The following L3MBTL3 variants were observed in gnomAD, a reference collection of about 807,000 sequenced individuals.
L3MBTL3 encodes the protein L3MBTL histone methyl-lysine binding protein 3.
L3MBTL3 carries 27 observed loss-of-function variants against 102.3 expected under a neutral mutation model. That is an observed-to-expected ratio of 0.26 (90% CI 0.19 to 0.36). The LOEUF is 0.36. Among genes scored for constraint, L3MBTL3 ranks in the 10% least tolerant of loss-of-function variants. The pLI is 1.00. For synonymous variants in L3MBTL3, 340 were observed against 320.9 expected, an observed-to-expected ratio of 1.06 and a Z score of -0.64; for missense variants, 798 against 955.3, an observed-to-expected ratio of 0.84 and a Z score of 2.17.
At chr6:130,021,316 T>TA (rs1170645000) in intron 1 of L3MBTL3, among the ~76,000 whole-genome samples, 9 of 152,198 alleles carry the variant, frequency 5.9e-5, no homozygotes, top group African/African-American at 2.2e-4. Context: ...TGGAAGTAAT[T>TA]AGAGGACCTG....
intron 17 of L3MBTL3, 80 bp from the exon 18 acceptor site, chr6:130,094,185 A>T: frequency 8.9e-7 from 1 of 1,121,926 alleles, no homozygotes; most frequent in Admixed American, 2.0e-5. Flanking sequence ...TTTCTTCCTT[A>T]TTCTGATCCA....
Position 130,049,810 on chromosome 6 carries a change from C to A in L3MBTL3, c.269C>A (p.Ser90Tyr). 1.9e-6 allele frequency: 3 copies of A among 1,613,698 alleles called. No individual in the cohort carries two copies. The highest frequency in any genetic ancestry group is 2.5e-6 in the Non-Finnish European group (3 of 1,179,834). ...RPVFPPAYWT[S>Y]PPGCPTVFSE... is the part of the protein sequence containing the mutation. ...GTATTTCCACCTGCCTACTGGACATCTCCACCTGGATGTCCCACAGGTACC... is the reference window on the plus strand; with the variant it reads ...GTATTTCCACCTGCCTACTGGACATATCCACCTGGATGTCCCACAGGTACC... The change falls in exon 5 of 23, where the codon TCT (serine) becomes TAT (tyrosine). Residue 90 changes from serine to tyrosine, a missense_variant. By Grantham distance (144) the Ser-to-Tyr change is moderately radical. Around this residue, in one of 4 missense-constraint regions of L3MBTL3, gnomAD observed 434 missense variants for 506.6 expected, o/e 0.86. Transcript: ENST00000361794.
At chr6:130,120,743 G>T in intron 19 of L3MBTL3, 136 bp from the exon 20 acceptor site, 1 of 628,790 alleles carries the variant, frequency 1.6e-6, no homozygotes, top group Non-Finnish European at 2.8e-6. Context: ...CCTTGTAGGA[G>T]AACTATATAT....
intron 20 of L3MBTL3, among the ~76,000 whole-genome samples, chr6:130,127,793 A>AT (rs372094531): frequency 3.9e-5 from 6 of 152,024 alleles, no homozygotes; most frequent in South Asian, 4.1e-4. Context: ...TGAGACTTCC[A>AT]TTTTTTTGTT....
At chr6:130,127,786 G>A (rs763198568) in intron 20 of L3MBTL3, among the ~76,000 whole-genome samples, 2 of 152,074 alleles carry the variant, frequency 1.3e-5, no homozygotes, top group Non-Finnish European at 2.9e-5. Flanking sequence ...ACCAAAGTGA[G>A]ACTTCCATTT....
At chr6:130,063,073 T>C (rs1782015138) in intron 10 of L3MBTL3, among the ~76,000 whole-genome samples, 1 of 149,214 alleles carries the variant, frequency 6.7e-6, no homozygotes, top group South Asian at 2.1e-4. Flanking sequence ...AAGAAGCCAC[T>C]AGGGAGTAGA....
chr6:130,110,855 G>C (rs1785305447), intron 19 of L3MBTL3, among the ~76,000 whole-genome samples: 1 of 152,046 alleles, frequency 6.6e-6, no homozygotes, highest in Non-Finnish European at 1.5e-5. Flanking sequence ...TTATTATTTT[G>C]AGATATGTTC....
Position 130,135,932 on chromosome 6 carries a change from G to A in L3MBTL3, c.2199+2027G>A, listed in dbSNP as rs575586909. Among the ~76,000 whole-genome samples the A allele has an allele frequency of 2.6e-5, 4 of 152,278 alleles. No individual in the cohort carries two copies. The South Asian group carries it at 6.2e-4, about 24-fold the overall frequency. ...AGTAAACCATAGTACAAATCTAACC[G>A]AAGTCTTATAAATCATCTTTAAAAG... On this transcript the variant is annotated intron_variant, in intron 22 of 22. Coordinates refer to ENST00000361794, the MANE Select transcript of L3MBTL3 (RefSeq NM_032438.4).
At chr6:130,108,231 GTTTT>G (rs869221525) in intron 19 of L3MBTL3, among the ~76,000 whole-genome samples, 1 of 91,050 alleles carries the variant, frequency 1.1e-5, no homozygotes, top group Non-Finnish European at 2.1e-5. Context: ...TTTTTTTTTT[GTTTT>G]TTTTTTTTTT....
chr6:130,033,700 T>G (rs1027758643), intron 2 of L3MBTL3, among the ~76,000 whole-genome samples: 2 of 152,240 alleles, frequency 1.3e-5, no homozygotes, highest in Non-Finnish European at 2.9e-5. Context: ...CTACCCTCAT[T>G]TTATAACTAT....
chr6:130,071,986 C>A (rs1310292723), intron 13 of L3MBTL3, among the ~76,000 whole-genome samples: 1 of 152,008 alleles, frequency 6.6e-6, no homozygotes, highest in Admixed American at 6.6e-5. Context: ...AAAATGCTTT[C>A]TATTATATGT....
chr6:130,100,684 T>A (rs909415112), intron 18 of L3MBTL3, among the ~76,000 whole-genome samples: 1 of 152,044 alleles, frequency 6.6e-6, no homozygotes, highest in African/African-American at 2.4e-5. Flanking sequence ...GTAAGTGTCA[T>A]AATGGCTGCA....
At chr6:130,103,170 A>T (rs1483373582) in intron 18 of L3MBTL3, among the ~76,000 whole-genome samples, 1 of 152,244 alleles carries the variant, frequency 6.6e-6, no homozygotes, top group African/African-American at 2.4e-5. Context: ...ACAGTGCTTG[A>T]TATATCATAA....
chr6:130,030,598 C>T (rs759337444), intron 2 of L3MBTL3, among the ~76,000 whole-genome samples: 10 of 131,798 alleles, frequency 7.6e-5, no homozygotes, highest in Non-Finnish European at 1.4e-4. Flanking sequence ...ACCTGGGAGG[C>T]GGAGCTTGCA....
chr6:130,060,153 T>TC lies in L3MBTL3; in HGVS notation c.864+14dup. The TC allele has an allele frequency of 6.8e-7, 1 of 1,466,356 alleles. No homozygotes were observed. Among genetic ancestry groups the TC allele is most frequent in the Non-Finnish European group, 9.3e-7 (1 of 1,070,446 alleles). The allele number at this position is 1,466,356 out of a possible 1,614,324, so 90.8% of individuals were successfully genotyped here. On this transcript the variant is annotated intron_variant, in intron 10 of 22. Coordinates refer to ENST00000361794, the MANE Select transcript of L3MBTL3 (RefSeq NM_032438.4). ...CACCGTCGCGGAGGTAAGCTTTGCC[T>TC]CGTCCTTTATTTTTAAAATAAAATG...
chr6:130,046,553 A>T (rs1245110901), intron 3 of L3MBTL3, among the ~76,000 whole-genome samples: 3 of 152,374 alleles, frequency 2.0e-5, no homozygotes, highest in Admixed American at 2.0e-4. Flanking sequence ...AAACATGTGC[A>T]GTCCCTTATA....
intron 2 of L3MBTL3, among the ~76,000 whole-genome samples, chr6:130,023,101 T>G (rs143126170): frequency 0.013 from 2,041 of 152,270 alleles, 25 homozygotes; most frequent in Middle Eastern, 0.058. Flanking sequence ...CTTTTCTGCC[T>G]GTTTTCCTGC....
intron 1 of L3MBTL3, among the ~76,000 whole-genome samples, chr6:130,020,839 C>A (rs1457429313): frequency 6.6e-6 from 1 of 151,688 alleles, no homozygotes; most frequent in East Asian, 1.9e-4. Flanking sequence ...GCCCCCACCC[C>A]CAACGCCTCG....
At chr6:130,030,139 G>A (rs1280335516) in intron 2 of L3MBTL3, among the ~76,000 whole-genome samples, 1 of 152,054 alleles carries the variant, frequency 6.6e-6, no homozygotes, top group Non-Finnish European at 1.5e-5. Flanking sequence ...GATTACAGAA[G>A]TGAGCCACCT....
Sources: allele counts gnomAD v4.1 joint callset (sites outside exome capture counted in the v4.1 genomes callset), GRCh38; gene constraint gnomAD v4.1.1; regional missense constraint gnomAD v4.1.1; transcripts MANE v1.5; gene names NCBI Gene and HGNC (gene_info 2026-07-23, HGNC 2026-07-21).